The following EFNA5 variants were observed in gnomAD, a reference collection of about 807,000 sequenced individuals.
EFNA5 encodes ephrin A5, also known as ephrin-A5.
EFNA5 carries 5 observed loss-of-function variants against 22.9 expected under a neutral mutation model. That is an observed-to-expected ratio of 0.22 (90% CI 0.11 to 0.46). The LOEUF is 0.46. EFNA5 is among the 20% of genes least tolerant of loss of function. The pLI is 0.99. For synonymous variants in EFNA5, 113 were observed against 112.2 expected, an observed-to-expected ratio of 1.01 and a Z score of -0.04; for missense variants, 237 against 293.3, an observed-to-expected ratio of 0.81 and a Z score of 1.40.
At chr5:107,606,040 T>C (rs1749706100) in intron 1 of EFNA5, among the ~76,000 whole-genome samples, 1 of 152,164 alleles carries the variant, frequency 6.6e-6, no homozygotes, top group African/African-American at 2.4e-5. Context: ...CACTTGTGAA[T>C]AGCACTCAAC....
chr5:107,429,810 A>G (rs1175901971), intron 1 of EFNA5, among the ~76,000 whole-genome samples: 1 of 152,238 alleles, frequency 6.6e-6, no homozygotes, highest in African/African-American at 2.4e-5. Context: ...TAAAATATTA[A>G]TTTTAAAATA....
chr5:107,491,592 T>C (rs940024761), intron 1 of EFNA5, among the ~76,000 whole-genome samples: 9 of 152,322 alleles, frequency 5.9e-5, no homozygotes, highest in African/African-American at 2.2e-4. Flanking sequence ...ATTACAGGCA[T>C]GAGCCACCGC....
Position 107,575,237 on chromosome 5 carries a change from C to G in EFNA5, c.125+95252G>C, listed in dbSNP as rs531673184. On this transcript the variant is annotated intron_variant, in intron 1 of 4. Transcript: ENST00000333274. Reference sequence around the variant, plus strand: ...ATTCCACCAACAGATAAGAAGTGATCTTTAAGTAATCAGGAAAAATATCAT... The same window carrying G: ...ATTCCACCAACAGATAAGAAGTGATGTTTAAGTAATCAGGAAAAATATCAT... Among the ~76,000 whole-genome samples, 20 of 152,264 alleles carry G rather than the reference C, an allele frequency of 1.3e-4. No homozygotes were observed. In the South Asian group the frequency reaches 3.3e-3, roughly 25 times the overall value.
chr5:107,632,358 T>TA (rs540735937), intron 1 of EFNA5, among the ~76,000 whole-genome samples: 1 of 152,116 alleles, frequency 6.6e-6, no homozygotes, highest in Non-Finnish European at 1.5e-5. Flanking sequence ...TAAGAACACA[T>TA]AAAAAAATTA....
intron 1 of EFNA5, among the ~76,000 whole-genome samples, chr5:107,637,595 T>C (rs1388252658): frequency 2.6e-5 from 4 of 151,358 alleles, no homozygotes; most frequent in Admixed American, 1.3e-4. Flanking sequence ...GATTAGGTTA[T>C]TTTTAGTTGA....
intron 1 of EFNA5, among the ~76,000 whole-genome samples, chr5:107,501,378 C>T (rs989641572): frequency 2.0e-5 from 3 of 152,086 alleles, no homozygotes; most frequent in South Asian, 2.1e-4. Context: ...GTGTAACAAT[C>T]ATTATGTGGT....
At chr5:107,532,225 G>A (rs779132324) in intron 1 of EFNA5, among the ~76,000 whole-genome samples, 5 of 152,228 alleles carry the variant, frequency 3.3e-5, no homozygotes, top group East Asian at 3.8e-4. Flanking sequence ...GCGTGTGAAC[G>A]CTGCATGAGA....
At chr5:107,413,306 A>C (rs747943220) in intron 2 of EFNA5, among the ~76,000 whole-genome samples, 1 of 152,194 alleles carries the variant, frequency 6.6e-6, no homozygotes, top group East Asian at 1.9e-4. Flanking sequence ...CCCAATACAG[A>C]AGTGGTAAAT....
intron 1 of EFNA5, among the ~76,000 whole-genome samples, chr5:107,619,413 G>C (rs1311241750): frequency 1.3e-5 from 2 of 151,560 alleles, no homozygotes; most frequent in African/African-American, 2.4e-5. Context: ...ATGCAAGAAG[G>C]TAAATTCTAA....
At chr5:107,512,364 AAACAAC>A (rs138250906) in intron 1 of EFNA5, among the ~76,000 whole-genome samples, 22,877 of 149,438 alleles carry the variant, frequency 0.15, 1,906 homozygotes, top group Middle Eastern at 0.21. Context: ...AAAACAAACA[AAACAAC>A]AACAACAACA....
rs559970718 is a variant in EFNA5, at chr5:107,496,347, A to C, written c.126-68838T>G. 8.0e-5 allele frequency among the ~76,000 whole-genome samples: 12 copies of C among 149,786 alleles called. 1 individual carries two copies. In the South Asian group the frequency reaches 1.9e-3, roughly 24 times the overall value. Reference sequence around the variant, plus strand: ...GCAAAATTCCATCTCAAAAAAAAAAAAAAAAACAAAAAAACAAAAAACAAC... The same window carrying C: ...GCAAAATTCCATCTCAAAAAAAAAACAAAAAACAAAAAAACAAAAAACAAC... On this transcript the variant is annotated intron_variant, in intron 1 of 4. Coordinates refer to ENST00000333274, the MANE Select transcript of EFNA5 (RefSeq NM_001962.3).
chr5:107,570,686 A>C (rs1417824181), intron 1 of EFNA5, among the ~76,000 whole-genome samples: 1 of 152,146 alleles, frequency 6.6e-6, no homozygotes, highest in South Asian at 2.1e-4. Context: ...TGATTCTAAT[A>C]GTAGAAAAAG....
Position 107,427,792 on chromosome 5 carries a change from A to C in EFNA5, c.126-283T>G, listed in dbSNP as rs186277068. 3.6e-3 allele frequency among the ~76,000 whole-genome samples: 548 copies of C among 152,192 alleles called. 3 individuals are homozygous for C. Among genetic ancestry groups the C allele is most frequent in the African/African-American group, 0.013 (525 of 41,520 alleles). On this transcript the variant is annotated intron_variant, in intron 1 of 4. Transcript: ENST00000333274. ...ATATTATATTAAATATCACTCTTTC[A>C]AACTGTGGAACTCTATAGAGGTACT...
chr5:107,625,655 T>C (rs2112532168), intron 1 of EFNA5, among the ~76,000 whole-genome samples: 1 of 152,162 alleles, frequency 6.6e-6, no homozygotes, highest in South Asian at 2.1e-4. Flanking sequence ...CACTGGAAAA[T>C]AAAGATTGAA....
At chr5:107,528,323 A>T (rs148354973) in intron 1 of EFNA5, among the ~76,000 whole-genome samples, 170 of 152,330 alleles carry the variant, frequency 1.1e-3, no homozygotes, top group African/African-American at 3.8e-3. Flanking sequence ...AGAAATAATA[A>T]TGTCTTTTAC....
intron 1 of EFNA5, among the ~76,000 whole-genome samples, chr5:107,626,842 AC>A (rs1750151766): frequency 6.6e-6 from 1 of 152,134 alleles, no homozygotes. Flanking sequence ...CATTTCTTTG[AC>A]TTTCACAGTT....
At chr5:107,619,821 A>G (rs945281510) in intron 1 of EFNA5, among the ~76,000 whole-genome samples, 2 of 152,100 alleles carry the variant, frequency 1.3e-5, no homozygotes, top group African/African-American at 4.8e-5. Context: ...CCCCACACAC[A>G]ATCATATTCT....
intron 1 of EFNA5, among the ~76,000 whole-genome samples, chr5:107,569,409 ATAT>A (rs1279121900): frequency 1.4e-5 from 2 of 145,224 alleles, no homozygotes; most frequent in Admixed American, 1.4e-4. Context: ...GTATATATAT[ATAT>A]ATTTATGTAT....
intron 1 of EFNA5, among the ~76,000 whole-genome samples, chr5:107,488,533 C>T (rs1346113322): frequency 6.6e-6 from 1 of 152,106 alleles, no homozygotes; most frequent in Non-Finnish European, 1.5e-5. Context: ...CAGCTGTCAG[C>T]AGGGAATCCT....
Sources: gnomAD v4.1 joint callset for allele counts (sites outside exome capture counted in the v4.1 genomes callset) on GRCh38, gnomAD v4.1.1 for gene constraint, MANE v1.5 for transcripts, NCBI Gene and HGNC (gene_info 2026-07-23, HGNC 2026-07-21) for gene names.